TLN2: variants seen among roughly 807,000 people sequenced by gnomAD.
The protein encoded by TLN2 is talin-2.
A neutral mutation model predicts 294.7 loss-of-function variants in TLN2; 118 were observed. That is an observed-to-expected ratio of 0.40 (90% CI 0.34 to 0.47). The LOEUF is 0.47. TLN2 is among the 20% of genes least tolerant of loss of function. The pLI, the probability that TLN2 is intolerant of heterozygous loss-of-function variation, is 0.84. For missense variants in TLN2, 3,083 were observed against 3,282.2 expected (o/e 0.94, Z 1.48); for synonymous variants, 1,431 against 1,304.5 (o/e 1.10, Z -2.09).
rs561031459 is a variant in TLN2 at position 62,439,633 on chromosome 15, T to A, written c.-238+48948T>A. Among the ~76,000 whole-genome samples, 5 of 152,224 alleles carry A rather than the reference T, an allele frequency of 3.3e-5. 1 individual carries two copies. The South Asian group carries it at 1.0e-3, about 32-fold the overall frequency. The stretch of plus-strand genomic sequence containing the variant: ...CCTATCTTAGCCAGTTTTTATGGAT[T>A]GGGTCAGCATGCCACCAGCCTCTGG... On this transcript the variant is annotated intron_variant, in intron 1 of 58. Coordinates refer to ENST00000636159, the MANE Select transcript of TLN2 (RefSeq NM_015059.3).
intron 54 of TLN2, chr15:62,831,529 C>G (rs973713035): frequency 6.6e-6 from 1 of 151,954 alleles, no homozygotes; most frequent in Non-Finnish European, 1.5e-5. Flanking sequence ...TGGGGACTGA[C>G]TACACAAGAG....
At chr15:62,641,206 G>A (rs1014632027) in intron 3 of TLN2, among the ~76,000 whole-genome samples, 1 of 152,134 alleles carries the variant, frequency 6.6e-6, no homozygotes, top group Non-Finnish European at 1.5e-5. Context: ...AGGTTATCTA[G>A]TACATAATAG....
rs1323680172 is a variant in TLN2 at position 62,504,817 on chromosome 15, G to GT, written c.-237-84870_-237-84869insT. Among the ~76,000 whole-genome samples, 6 of 137,898 alleles carry GT rather than the reference G, an allele frequency of 4.4e-5. No homozygotes were observed. The East Asian group carries it at 1.0e-3, about 24-fold the overall frequency. 90.5% of individuals were successfully genotyped at this position (137,898 alleles called of 152,430 possible). ...AAAGGGTAACAGAAAGTAGTTGGTG[G>GT]GGTGTGTGTGTGTGTGTGTGTGTGT... is the stretch of plus-strand genomic sequence containing the variant. On this transcript the variant is annotated intron_variant, in intron 1 of 58. Transcript: ENST00000636159.
intron 37 of TLN2, among the ~76,000 whole-genome samples, chr15:62,759,190 T>G (rs77295075): frequency 0.027 from 4,155 of 152,354 alleles, 82 homozygotes; most frequent in Middle Eastern, 0.088. Context: ...GTATTCAGTT[T>G]ACTTGAGTGG....
intron 46 of TLN2, among the ~76,000 whole-genome samples, 166 bp downstream of exon 46, chr15:62,792,953 A>G (rs1384553830): frequency 6.6e-6 from 1 of 152,236 alleles, no homozygotes; most frequent in Non-Finnish European, 1.5e-5. Flanking sequence ...AATGGGGTGC[A>G]TCAGGGAGCT....
At chr15:62,673,322 T>TTTTC (rs1555465072) in intron 9 of TLN2, among the ~76,000 whole-genome samples, 43 of 140,186 alleles carry the variant, frequency 3.1e-4, no homozygotes, top group African/African-American at 9.6e-4. Flanking sequence ...TTTTTTTTTT[T>TTTTC]TTTTTTGCAA....
chr15:62,572,864 G>A (rs763073564), intron 1 of TLN2, among the ~76,000 whole-genome samples: 8 of 152,020 alleles, frequency 5.3e-5, no homozygotes, highest in African/African-American at 1.2e-4. Context: ...GTGCTTGTTC[G>A]CCACCCCCTC....
rs889339589 is a variant in TLN2 at position 62,722,432 on chromosome 15, A to T, written c.3071A>T (p.Gln1024Leu). ...SDQAAAMQLS[Q>L]CAKNLATSLA... ...CAGGCCGCAGCCATGCAGCTGAGCC[A>T]GTGTGCCAAGAACCTGGCCACCAGC... The change falls in exon 26 of 59, where the codon CAG (glutamine) becomes CTG (leucine). Residue 1024 changes from glutamine to leucine, a missense_variant. By Grantham distance (113) the Gln-to-Leu change is moderately radical. Coordinates refer to ENST00000636159, the MANE Select transcript of TLN2 (RefSeq NM_015059.3). The T allele has an allele frequency of 4.3e-6, 7 of 1,613,136 alleles. No individual in the cohort carries two copies. The highest frequency in any genetic ancestry group is 5.9e-6 in the Non-Finnish European group (7 of 1,179,774).
chr15:62,640,092 C>A, intron 3 of TLN2: 1 of 450,444 alleles, frequency 2.2e-6, no homozygotes, highest in Non-Finnish European at 4.5e-6. Context: ...AGGTGGAGGG[C>A]AAGACCCTGG....
intron 1 of TLN2, among the ~76,000 whole-genome samples, chr15:62,395,585 G>A (rs2032480993): frequency 6.6e-6 from 1 of 152,120 alleles, no homozygotes; most frequent in Admixed American, 6.6e-5. Context: ...TCCCACATTT[G>A]CAGCCTTGTT....
At chr15:62,763,718 T>C (rs1234464079) in intron 40 of TLN2, 23 bp downstream of exon 40, 2 of 1,583,562 alleles carry the variant, frequency 1.3e-6, no homozygotes, top group Admixed American at 3.5e-5. Context: ...TCTGGGGGCC[T>C]GCTTAGTCGC....
At chr15:62,452,560 C>G (rs957153681) in intron 1 of TLN2, among the ~76,000 whole-genome samples, 1 of 152,204 alleles carries the variant, frequency 6.6e-6, no homozygotes, top group Non-Finnish European at 1.5e-5. Context: ...CTCCAGAACT[C>G]TTTCATCTTG....
chr15:62,616,920 T>C (rs1324535207), intron 2 of TLN2, among the ~76,000 whole-genome samples: 1 of 152,196 alleles, frequency 6.6e-6, no homozygotes, highest in Non-Finnish European at 1.5e-5. Context: ...TTCCTGCCTG[T>C]GACTGGTGTG....
intron 1 of TLN2, among the ~76,000 whole-genome samples, chr15:62,559,228 G>T (rs1474512434): frequency 6.6e-6 from 1 of 152,194 alleles, no homozygotes; most frequent in African/African-American, 2.4e-5. Context: ...TCTGGGGATT[G>T]CTGCATTTTA....
chr15:62,838,975 T>G lies in TLN2; in HGVS notation c.7494T>G (p.Ile2498Met). ...TGAAAACCAAGTTTGTGGGGGGCAT[T>G]GCTCAGGTTTGTAATTAAATCAAGA... ...VVVKTKFVGGIAQIIAAQEEM... is the reference protein window; with the variant it reads ...VVVKTKFVGGMAQIIAAQEEM... Residue 2498 changes from isoleucine to methionine, a missense_variant, in exon 58 of 59, where the codon ATT becomes ATG. Coordinates refer to ENST00000636159, the MANE Select transcript of TLN2 (RefSeq NM_015059.3). 6.2e-7 allele frequency: 1 copy of G among 1,614,144 alleles called. No homozygotes were observed. Among genetic ancestry groups the G allele is most frequent in the Admixed American group, 1.7e-5 (1 of 60,014 alleles).
At chr15:62,797,007 G>A (rs1335719069) in intron 47 of TLN2, among the ~76,000 whole-genome samples, 1 of 152,242 alleles carries the variant, frequency 6.6e-6, no homozygotes, top group Non-Finnish European at 1.5e-5. Flanking sequence ...AGTCGGCTAT[G>A]TGAATGAATA....
chr15:62,827,285 G>A (rs561627123), intron 54 of TLN2, among the ~76,000 whole-genome samples: 252 of 152,334 alleles, frequency 1.7e-3, no homozygotes, highest in Middle Eastern at 3.4e-3. Flanking sequence ...GGGTAAGGAC[G>A]TTGAGGAGGA....
At chr15:62,441,802 G>A (rs1012510367) in intron 1 of TLN2, among the ~76,000 whole-genome samples, 2 of 152,112 alleles carry the variant, frequency 1.3e-5, no homozygotes, top group Non-Finnish European at 2.9e-5. Context: ...ATTTAATGAG[G>A]CCTCTATTAA....
At chr15:62,581,579 G>C (rs910731374) in intron 1 of TLN2, among the ~76,000 whole-genome samples, 1 of 152,184 alleles carries the variant, frequency 6.6e-6, no homozygotes, top group Non-Finnish European at 1.5e-5. Context: ...TGAGGGAATA[G>C]TGTACAGAGG....
Sources: gnomAD v4.1 joint callset for allele counts (sites outside exome capture counted in the v4.1 genomes callset) on GRCh38, gnomAD v4.1.1 for gene constraint, MANE v1.5 for transcripts, NCBI Gene and HGNC (gene_info 2026-07-23, HGNC 2026-07-21) for gene names.